PHF24: variants seen among roughly 807,000 people sequenced by gnomAD.
The protein encoded by PHF24 is Galpha inhibitory interacting protein.
A neutral mutation model predicts 42.6 loss-of-function variants in PHF24; 25 were observed. The ratio of observed to expected loss-of-function variants is 0.59; its 90% confidence interval spans 0.43 to 0.82. The LOEUF is 0.82. Among genes scored for constraint, PHF24 ranks in the 40% least tolerant of loss-of-function variants. The pLI is 0.00. For missense variants in PHF24, 470 were observed against 538.1 expected (o/e 0.87, Z 1.25); for synonymous variants, 185 against 204.8 (o/e 0.90, Z 0.83).
chr9:34,812,234 G>A, the PHF24 span, among the ~76,000 whole-genome samples: 4 of 151,706 alleles, frequency 2.6e-5, no homozygotes, highest in Admixed American at 6.6e-5. Context: ...AAACACATAC[G>A]TACACAATGA....
chr9:34,670,808 G>A, the PHF24 span, among the ~76,000 whole-genome samples: 1 of 152,118 alleles, frequency 6.6e-6, no homozygotes, highest in South Asian at 2.1e-4. Context: ...TAAGATACCT[G>A]GGAGTAGGAG....
the PHF24 span, among the ~76,000 whole-genome samples, chr9:34,910,802 T>C: frequency 6.6e-6 from 1 of 152,116 alleles, no homozygotes; most frequent in Admixed American, 6.5e-5. Context: ...TCTTTAGATA[T>C]ATATGACTTG....
At chr9:34,798,482 T>C in the PHF24 span, among the ~76,000 whole-genome samples, 2 of 152,244 alleles carry the variant, frequency 1.3e-5, no homozygotes, top group African/African-American at 4.8e-5. Context: ...TTTCTGTTTC[T>C]ACATTAATTT....
chr9:34,865,982 A>C, the PHF24 span, among the ~76,000 whole-genome samples: 1 of 152,222 alleles, frequency 6.6e-6, no homozygotes, highest in Non-Finnish European at 1.5e-5. Context: ...TTTGTAACTT[A>C]CTCATGGAAG....
At chr9:34,759,452 G>A in the PHF24 span, among the ~76,000 whole-genome samples, 1 of 152,270 alleles carries the variant, frequency 6.6e-6, no homozygotes, top group East Asian at 1.9e-4. Context: ...TGTGAGTGGT[G>A]AATGTACATG....
At chr9:34,939,761 C>T in the PHF24 span, among the ~76,000 whole-genome samples, 1 of 152,214 alleles carries the variant, frequency 6.6e-6, no homozygotes. Flanking sequence ...ACTCAGGGGA[C>T]TGAGGAGCAG....
At chr9:34,741,815 A>C in the PHF24 span, among the ~76,000 whole-genome samples, 1 of 152,096 alleles carries the variant, frequency 6.6e-6, no homozygotes. Flanking sequence ...TTAGTACTTA[A>C]GCTTTGCCTA....
the PHF24 span, among the ~76,000 whole-genome samples, chr9:34,918,774 T>G: frequency 6.6e-6 from 1 of 152,206 alleles, no homozygotes; most frequent in African/African-American, 2.4e-5. Flanking sequence ...GAAAAAATTT[T>G]GAAAGGTCAC....
chr9:34,756,376 G>A, the PHF24 span, among the ~76,000 whole-genome samples: 1 of 152,186 alleles, frequency 6.6e-6, no homozygotes, highest in South Asian at 2.1e-4. Context: ...TGGGATTACA[G>A]GTGTGAGCCA....
chr9:34,891,913 T>C, the PHF24 span, among the ~76,000 whole-genome samples: 1 of 152,152 alleles, frequency 6.6e-6, no homozygotes, highest in Non-Finnish European at 1.5e-5. Context: ...TATAGGACAT[T>C]GATCTGGATT....
chr9:34,886,631 CTCT>C, the PHF24 span, among the ~76,000 whole-genome samples: 1 of 152,092 alleles, frequency 6.6e-6, no homozygotes, highest in South Asian at 2.1e-4. Flanking sequence ...CTGGTTCTTC[CTCT>C]TCTTCTCAAT....
chr9:34,810,057 A>C, the PHF24 span, among the ~76,000 whole-genome samples: 1 of 151,418 alleles, frequency 6.6e-6, no homozygotes, highest in Non-Finnish European at 1.5e-5. Context: ...CAGCTCAGCC[A>C]GCGCTGCATG....
the PHF24 span, among the ~76,000 whole-genome samples, chr9:34,798,601 T>A: frequency 1.3e-5 from 2 of 152,248 alleles, no homozygotes; most frequent in Non-Finnish European, 2.9e-5. Context: ...ACATTTTATT[T>A]ATCCACTCCA....
chr9:34,766,997 T>C, the PHF24 span, among the ~76,000 whole-genome samples: 1 of 152,186 alleles, frequency 6.6e-6, no homozygotes, highest in Admixed American at 6.5e-5. Flanking sequence ...GTATCAGCAG[T>C]GGTGGCTGCA....
At chr9:34,739,510 T>A in the PHF24 span, among the ~76,000 whole-genome samples, 1 of 152,182 alleles carries the variant, frequency 6.6e-6, no homozygotes, top group African/African-American at 2.4e-5. Context: ...CTCACTGACT[T>A]CAAGAATGAA....
At chr9:34,875,946 A>ACTCTCTCTCTCTCTCTCT in the PHF24 span, among the ~76,000 whole-genome samples, 3 of 88,988 alleles carry the variant, frequency 3.4e-5, no homozygotes, top group African/African-American at 1.5e-4. Context: ...ACACACACAC[A>ACTCTCTCTCTCTCTCTCT]CACACTCTCT....
At chr9:34,830,328 C>T in the PHF24 span, among the ~76,000 whole-genome samples, 5 of 152,206 alleles carry the variant, frequency 3.3e-5, no homozygotes, top group Admixed American at 2.6e-4. Context: ...GCCTTAAAAT[C>T]ATTCTTTGGT....
chr9:34,761,587 G>A, the PHF24 span, among the ~76,000 whole-genome samples: 1 of 152,166 alleles, frequency 6.6e-6, no homozygotes, highest in Non-Finnish European at 1.5e-5. Context: ...ACACTTACTA[G>A]AATTTTTTAA....
the PHF24 span, among the ~76,000 whole-genome samples, chr9:34,891,143 C>T: frequency 1.3e-5 from 2 of 152,180 alleles, no homozygotes; most frequent in African/African-American, 4.8e-5. Flanking sequence ...AGCTCAGGAT[C>T]ATCAGTAACA....
Sources: allele counts gnomAD v4.1 joint callset (sites outside exome capture counted in the v4.1 genomes callset), GRCh38; gene constraint gnomAD v4.1.1; transcripts MANE v1.5; gene names NCBI Gene and HGNC (gene_info 2026-07-23, HGNC 2026-07-21).